Variants in SAP30BP observed in about 807,000 individuals in gnomAD.
SAP30BP encodes SAP30-binding protein.
Under a neutral mutation model 46.3 loss-of-function variants are expected in SAP30BP, and 31 were observed. The ratio of observed to expected loss-of-function variants is 0.67; its 90% CI spans 0.50 to 0.90. SAP30BP has a LOEUF of 0.90. Among genes scored for constraint, SAP30BP ranks in the 40% least tolerant of loss-of-function variants. The pLI is 0.00. For missense variants in SAP30BP, 312 were observed against 391.0 expected (o/e 0.80, Z 1.70); for synonymous variants, 169 against 144.2 (o/e 1.17, Z -1.23).
intron 3 of SAP30BP, among the ~76,000 whole-genome samples, chr17:75,674,712 T>TG (rs1165794980): frequency 4.5e-5 from 6 of 132,190 alleles, no homozygotes; most frequent in South Asian, 5.2e-4. Flanking sequence ...TTTTTTTTTT[T>TG]TTTTTTTTTT....
chr17:75,692,276 G>A (rs1388988405), intron 3 of SAP30BP: 4 of 985,458 alleles, frequency 4.1e-6, no homozygotes, highest in South Asian at 4.7e-5. Context: ...TTTTGGAGCC[G>A]TGGCGTGGTG....
In SAP30BP at chr17:75,704,995, G is replaced by T. The variant is rs375390767; in HGVS notation, c.660+181G>T. 1.0e-4 allele frequency: 60 copies of T among 594,064 alleles called. No individual in the cohort carries two copies. The East Asian group carries it at 1.3e-3, about 13-fold the overall frequency. 36.8% of individuals were successfully genotyped at this position (594,064 alleles called of 1,614,324 possible). The stretch of plus-strand genomic sequence containing the variant: ...CAGACCTGCTGGGTTCACGGCGCTC[G>T]TCTGCTGCTTTTGCCCTCGGAGACT... On this transcript the variant is annotated intron_variant, in intron 9 of 10. Coordinates refer to ENST00000584667, the MANE Select transcript of SAP30BP (RefSeq NM_013260.8).
intron 4 of SAP30BP, 85 bp from the exon 5 acceptor site, chr17:75,699,698 C>A: frequency 1.1e-6 from 1 of 899,134 alleles, no homozygotes; most frequent in Non-Finnish European, 1.8e-6. Flanking sequence ...TACCTGATAA[C>A]ATTTTATGTG....
In SAP30BP at chr17:75,695,408, G is replaced by A. The variant is rs562660758; in HGVS notation, c.307+1926G>A. On this transcript the variant is annotated intron_variant, in intron 4 of 10. Transcript: ENST00000584667. ...TTGTCTGGCTTCTTTCACTCAGCACGGTGCTTGCAAGACTCATCCATGTAG... is the reference window on the plus strand; with the variant it reads ...TTGTCTGGCTTCTTTCACTCAGCACAGTGCTTGCAAGACTCATCCATGTAG... Among the ~76,000 whole-genome samples the A allele has an allele frequency of 2.4e-4, 37 of 152,310 alleles. 2 individuals carry two copies. Among genetic ancestry groups the A allele is most frequent in the Admixed American group, 2.1e-3 (32 of 15,298 alleles).
At chr17:75,674,381 G>A (rs2059952021) in intron 3 of SAP30BP, among the ~76,000 whole-genome samples, 2 of 151,776 alleles carry the variant, frequency 1.3e-5, no homozygotes, top group South Asian at 2.1e-4. Context: ...TGCAACCTCC[G>A]CCTCCTGGGT....
At chr17:75,667,802 G>A (rs1241174035) in intron 1 of SAP30BP, among the ~76,000 whole-genome samples, 1 of 152,204 alleles carries the variant, frequency 6.6e-6, no homozygotes, top group Non-Finnish European at 1.5e-5. Context: ...GAGGGAGAGC[G>A]ATAAGTAAAA....
intron 3 of SAP30BP, among the ~76,000 whole-genome samples, chr17:75,676,344 G>C (rs764965067): frequency 6.6e-6 from 1 of 152,108 alleles, no homozygotes; most frequent in African/African-American, 2.4e-5. Context: ...TTGTTCTGTC[G>C]TATCAAAAAA....
chr17:75,698,974 C>T (rs763898930), intron 4 of SAP30BP, among the ~76,000 whole-genome samples: 3 of 152,162 alleles, frequency 2.0e-5, no homozygotes, highest in Non-Finnish European at 4.4e-5. Context: ...TGGAGGATGG[C>T]TTGATCCAAC....
At chr17:75,699,017 C>T (rs1013052535) in intron 4 of SAP30BP, among the ~76,000 whole-genome samples, 3 of 152,084 alleles carry the variant, frequency 2.0e-5, no homozygotes, top group Non-Finnish European at 2.9e-5. Flanking sequence ...CATAACGAGA[C>T]CCCATCTTTA....
At chr17:75,688,940 G>T (rs2060201882) in intron 3 of SAP30BP, among the ~76,000 whole-genome samples, 1 of 152,034 alleles carries the variant, frequency 6.6e-6, no homozygotes. Context: ...TCTTCTCCAG[G>T]GACAGCGCCC....
intron 5 of SAP30BP, chr17:75,700,106 T>G (rs1363567120): frequency 8.9e-6 from 3 of 338,492 alleles, no homozygotes; most frequent in African/African-American, 6.3e-5. Flanking sequence ...AGGGCGGCCC[T>G]GTCTTGCCTT....
chr17:75,702,443 T>C (rs1478380161), intron 5 of SAP30BP, 37 bp from the exon 6 acceptor site: 1 of 953,440 alleles, frequency 1.0e-6, no homozygotes, highest in Non-Finnish European at 1.7e-6. Context: ...TGGGCTTCTG[T>C]CATACACCCC....
chr17:75,678,931 A>G (rs913001414), intron 3 of SAP30BP, among the ~76,000 whole-genome samples: 4 of 151,762 alleles, frequency 2.6e-5, no homozygotes, highest in Admixed American at 6.6e-5. Context: ...TCCGGCCACA[A>G]GTGGGTTGAG....
intron 2 of SAP30BP, among the ~76,000 whole-genome samples, chr17:75,670,560 T>C (rs1307307667): frequency 6.6e-6 from 1 of 152,242 alleles, no homozygotes; most frequent in Non-Finnish European, 1.5e-5. Flanking sequence ...TGAAGTGTTA[T>C]TTCATATTTG....
intron 3 of SAP30BP, among the ~76,000 whole-genome samples, chr17:75,673,960 T>C (rs2059944784): frequency 1.3e-5 from 2 of 152,254 alleles, no homozygotes; most frequent in South Asian, 4.1e-4. Context: ...GAATAATTTC[T>C]GTTCCTCTTG....
intron 3 of SAP30BP, chr17:75,690,655 T>G (rs1159521191): frequency 2.2e-6 from 1 of 456,284 alleles, no homozygotes; most frequent in Admixed American, 2.4e-5. Context: ...CTTAGGTTGT[T>G]GTCTTTCTTC....
chr17:75,668,622 G>A lies in SAP30BP; in HGVS notation c.213G>A (p.Gln71=), dbSNP rs1424871804. 6.3e-7 allele frequency: 1 copy of A among 1,579,374 alleles called. No homozygotes were observed. ...AAGAAGAAGATGAGAACAGTAGACA[G>A]TCGGTAGGTAAATCTCCCAGATCCA... ...YEEEEDENSR[Q]SEDDDSETEK... The change falls in exon 2 of 11, where the codon CAG becomes CAA. Residue 71 remains glutamine, a synonymous_variant. Transcript: ENST00000584667.
chr17:75,667,698 G>A (rs820155), intron 1 of SAP30BP, among the ~76,000 whole-genome samples: 2 of 152,066 alleles, frequency 1.3e-5, no homozygotes, highest in African/African-American at 2.4e-5. Flanking sequence ...CTTACTGAAA[G>A]ACTCCGTGCC....
chr17:75,697,149 G>T (rs1470354764), intron 4 of SAP30BP, among the ~76,000 whole-genome samples: 1 of 152,180 alleles, frequency 6.6e-6, no homozygotes, highest in Non-Finnish European at 1.5e-5. Flanking sequence ...GTCACACCCT[G>T]TTTTTCCAAA....
Sources: gnomAD v4.1 joint callset for allele counts (sites outside exome capture counted in the v4.1 genomes callset) on GRCh38, gnomAD v4.1.1 for gene constraint, MANE v1.5 for transcripts, NCBI Gene and HGNC (gene_info 2026-07-23, HGNC 2026-07-21) for gene names.